The following WDHD1 variants were observed in gnomAD, a reference collection of about 807,000 sequenced individuals.
WDHD1 encodes WD repeat and HMG-box DNA binding protein 1.
WDHD1 carries 111 observed loss-of-function variants against 135.4 expected under a neutral mutation model. The observed-to-expected ratio is 0.82, with a 90% CI of 0.70 to 0.96. The LOEUF is 0.96. Among genes scored for constraint, WDHD1 ranks in the 40% least tolerant of loss-of-function variants. The pLI, the probability that WDHD1 is intolerant of heterozygous loss-of-function variation, is 0.00. For synonymous variants in WDHD1, 434 were observed against 439.0 expected, an observed-to-expected ratio of 0.99 and a Z score of 0.14; for missense variants, 1,351 against 1,336.3, an observed-to-expected ratio of 1.01 and a Z score of -0.17.
chr14:54,984,298 C>T (rs2041663765), intron 15 of WDHD1, among the ~76,000 whole-genome samples: 1 of 152,124 alleles, frequency 6.6e-6, no homozygotes, highest in African/African-American at 2.4e-5. Context: ...AGTTTGAGAC[C>T]AGCCTGGGCA....
chr14:55,013,349 C>T lies in WDHD1; in HGVS notation c.189+136G>A, dbSNP rs577540141. On this transcript the variant is annotated intron_variant, in intron 3 of 25. Coordinates refer to ENST00000360586, the MANE Select transcript of WDHD1 (RefSeq NM_007086.4). ...AAAAAAATGGTAGGGCAAGTTACGG[C>T]ATTATCATACATTTTAAAATATTAT... The T allele has an allele frequency of 2.6e-3, 1,558 of 598,404 alleles. 3 individuals are homozygous for T. The highest frequency in any genetic ancestry group is 6.1e-3 in the Middle Eastern group (13 of 2,124). 37.1% of individuals were successfully genotyped at this position (598,404 alleles called of 1,614,324 possible). A position where few individuals can be genotyped will look rare whatever the true frequency, so the allele number is the denominator to read the frequency against.
chr14:54,945,972 C>G (rs1324155602), intron 24 of WDHD1, among the ~76,000 whole-genome samples: 2 of 152,084 alleles, frequency 1.3e-5, no homozygotes, highest in Non-Finnish European at 2.9e-5. Context: ...TGACCATAAC[C>G]ATTTGCCCAA....
At chr14:55,019,723 G>C (rs908971395) in intron 2 of WDHD1, among the ~76,000 whole-genome samples, 51 of 152,246 alleles carry the variant, frequency 3.3e-4, no homozygotes, top group African/African-American at 1.2e-3. Context: ...ACAAAAATTA[G>C]CCAGCTGTTG....
At chr14:54,959,158 C>T (rs1412960248) in intron 21 of WDHD1, among the ~76,000 whole-genome samples, 1 of 151,906 alleles carries the variant, frequency 6.6e-6, no homozygotes, top group Non-Finnish European at 1.5e-5. Flanking sequence ...ACTGCTTGAG[C>T]CCAGTTTAAG....
chr14:55,019,259 G>C (rs1250812529), intron 2 of WDHD1, among the ~76,000 whole-genome samples: 1 of 152,082 alleles, frequency 6.6e-6, no homozygotes, highest in African/African-American at 2.4e-5. Context: ...TTAACATTTA[G>C]ATCATATGTT....
rs553383430 is a variant in WDHD1 at position 54,982,817 on chromosome 14, A to G, written c.1907-1121T>C. Among the ~76,000 whole-genome samples, 55 of 152,350 alleles carry G rather than the reference A, an allele frequency of 3.6e-4. 1 individual carries two copies. Among genetic ancestry groups the G allele is most frequent in the African/African-American group, 1.3e-3 (54 of 41,588 alleles). On this transcript the variant is annotated intron_variant, in intron 15 of 25. Transcript: ENST00000360586. Reference sequence around the variant, plus strand: ...ATGTAAATGAAGAACATGAATCTCCAAAAAGAGAAATATTTAAGTCCCCAT... The same window carrying G: ...ATGTAAATGAAGAACATGAATCTCCGAAAAGAGAAATATTTAAGTCCCCAT...
intron 7 of WDHD1, among the ~76,000 whole-genome samples, chr14:55,004,114 G>T (rs2042024199): frequency 6.6e-6 from 1 of 152,114 alleles, no homozygotes; most frequent in Admixed American, 6.6e-5. Context: ...TAGAAAAGTT[G>T]AAATAATAAT....
chr14:54,998,319 G>A (rs1024250213), intron 10 of WDHD1, among the ~76,000 whole-genome samples: 1 of 151,988 alleles, frequency 6.6e-6, no homozygotes, highest in African/African-American at 2.4e-5. Context: ...TAGTAGAGAC[G>A]GGGTTTCGTC....
intron 11 of WDHD1, among the ~76,000 whole-genome samples, chr14:54,992,860 G>A (rs1229069883): frequency 6.6e-6 from 1 of 152,058 alleles, no homozygotes; most frequent in East Asian, 1.9e-4. Flanking sequence ...TTACAGTGAG[G>A]TGTGATGATA....
chr14:54,994,227 G>C (rs1295296918), intron 11 of WDHD1, among the ~76,000 whole-genome samples: 4 of 152,044 alleles, frequency 2.6e-5, no homozygotes, highest in Non-Finnish European at 4.4e-5. Context: ...ATACTATTCA[G>C]GTTATCTATT....
intron 24 of WDHD1, among the ~76,000 whole-genome samples, chr14:54,950,510 A>T (rs2041026935): frequency 1.3e-5 from 2 of 152,128 alleles, no homozygotes; most frequent in South Asian, 4.1e-4. Context: ...AAGTCCTTAG[A>T]GACCTACAAA....
rs1281053966 is a variant in WDHD1, at chr14:54,955,895, C to CGT, written c.2917-202_2917-201insAC. Among the ~76,000 whole-genome samples, 33 of 110,054 alleles carry CGT rather than the reference C, an allele frequency of 3.0e-4. 1 individual carries two copies. Among genetic ancestry groups the CGT allele is most frequent in the Non-Finnish European group, 2.5e-4 (14 of 56,294 alleles). 72.2% of individuals were successfully genotyped at this position (110,054 alleles called of 152,430 possible). A position where few individuals can be genotyped will look rare whatever the true frequency, so the allele number is the denominator to read the frequency against. ...ACTACACTTCAGATTCCATGTTTTC[C>CGT]TTTTTTTTTTTTTTTTTTTTGAGAC... is the stretch of plus-strand genomic sequence containing the variant. On this transcript the variant is annotated intron_variant, in intron 23 of 25. Coordinates refer to ENST00000360586, the MANE Select transcript of WDHD1 (RefSeq NM_007086.4).
chr14:54,946,220 T>C (rs2040922357), intron 24 of WDHD1, among the ~76,000 whole-genome samples: 1 of 152,198 alleles, frequency 6.6e-6, no homozygotes, highest in Non-Finnish European at 1.5e-5. Context: ...AACATTTCTT[T>C]CTTTGTTTTT....
intron 6 of WDHD1, among the ~76,000 whole-genome samples, chr14:55,007,795 T>C (rs2140221335): frequency 6.6e-6 from 1 of 152,364 alleles, no homozygotes; most frequent in Non-Finnish European, 1.5e-5. Context: ...GTGGAGGATA[T>C]TTCTCTAGTC....
At position 54,991,317 on chromosome 14, in the gene WDHD1, G is replaced by A. The variant is rs1381916701; in HGVS notation, c.1237C>T (p.Leu413Phe). The change falls in exon 12 of 26, where the codon CTT (leucine) becomes TTT (phenylalanine). Residue 413 changes from leucine to phenylalanine, a missense_variant. Around this residue, in one of 2 missense-constraint regions of WDHD1, gnomAD observed 1,330 missense variants for 1,296.1 expected, o/e 1.03. Coordinates refer to ENST00000360586, the MANE Select transcript of WDHD1 (RefSeq NM_007086.4). ...TAAAATGGCCTTTGGGATGTTACAA[G>A]TGGTAGATTGTGAATGCTGCCTTCT... Reference protein sequence around the residue: ...GQEGSIHNLPLVTSQRPFYDG... With the variant: ...GQEGSIHNLPFVTSQRPFYDG... 2.5e-6 allele frequency: 4 copies of A among 1,614,122 alleles called. No individual in the cohort carries two copies. The highest frequency in any genetic ancestry group is 3.4e-6 in the Non-Finnish European group (4 of 1,179,968).
chr14:55,025,040 T>C (rs2042411121), intron 2 of WDHD1, among the ~76,000 whole-genome samples: 3 of 87,550 alleles, frequency 3.4e-5, no homozygotes, highest in Admixed American at 2.9e-4. Flanking sequence ...GTCTCCTGCC[T>C]GTCCCTGGGC....
intron 13 of WDHD1, among the ~76,000 whole-genome samples, chr14:54,987,894 C>T (rs193012339): frequency 1.1e-4 from 16 of 152,144 alleles, no homozygotes; most frequent in Admixed American, 7.2e-4. Context: ...CCCAAAGTGC[C>T]GGGATTACAG....
rs60615259 is a variant in WDHD1, at chr14:55,011,524, CAAAAAAAAAAA to C, written c.190-1075_190-1065del. Reference sequence around the variant, plus strand: ...AGGCAACAAGAGTGAAACTCTGTCTCAAAAAAAAAAAAAAAAAAAAAAAAAAGTATCCTGAG... The same window carrying C: ...AGGCAACAAGAGTGAAACTCTGTCTCAAAAAAAAAAAAAAAGTATCCTGAG... On this transcript the variant is annotated intron_variant, in intron 3 of 25. Transcript: ENST00000360586. Among the ~76,000 whole-genome samples the C allele has an allele frequency of 2.4e-4, 12 of 50,996 alleles. 1 individual carries two copies. Among genetic ancestry groups the C allele is most frequent in the South Asian group, 1.3e-3 (1 of 764 alleles). The allele number at this position is 50,996 out of a possible 152,430, so 33.5% of individuals were successfully genotyped here.
intron 21 of WDHD1, among the ~76,000 whole-genome samples, chr14:54,958,100 C>T (rs578223610): frequency 1.3e-4 from 20 of 151,752 alleles, no homozygotes; most frequent in Admixed American, 1.1e-3. Flanking sequence ...TTCCAGTCAC[C>T]ATTTTCTCTC....
Sources: allele counts gnomAD v4.1 joint callset (sites outside exome capture counted in the v4.1 genomes callset), GRCh38; gene constraint gnomAD v4.1.1; regional missense constraint gnomAD v4.1.1; transcripts MANE v1.5; gene names NCBI Gene and HGNC (gene_info 2026-07-23, HGNC 2026-07-21).